EXOC7: variants seen among roughly 807,000 people sequenced by gnomAD.
EXOC7 encodes exocyst complex component 7.
In EXOC7, 51 loss-of-function variants were observed where a neutral mutation model predicts 87.6. The ratio of observed to expected loss-of-function variants is 0.58; its 90% CI spans 0.46 to 0.73. The LOEUF is 0.73. Ranked by LOEUF, EXOC7 falls within the 30% of genes least tolerant of loss-of-function variation. The pLI is 0.00. For synonymous variants in EXOC7, 327 were observed against 357.1 expected (o/e 0.92, Z 0.95); for missense variants, 744 against 888.4 (o/e 0.84, Z 2.07).
intron 7 of EXOC7, chr17:76,090,182 A>AAGAGAGAGAGTGG: frequency 1.1e-6 from 1 of 920,524 alleles, no homozygotes; most frequent in East Asian, 2.7e-5. Flanking sequence ...CTAGGCCCAA[A>AAGAGAGAGAGTGG]AGAGAGAGAG....
In EXOC7 at chr17:76,082,268, T is replaced by C; in HGVS notation, c.*1380A>G. The C allele has an allele frequency of 1.3e-6, 1 of 773,708 alleles. No individual in the cohort carries two copies. The highest frequency in any genetic ancestry group is 2.0e-6 in the Non-Finnish European group (1 of 497,576). 47.9% of individuals were successfully genotyped at this position (773,708 alleles called of 1,614,324 possible). ...GTCCCAGGTGACCTCAATCCCCTGATAACCCATGCCTTGCACAGCCTAAGA... is the reference window on the plus strand; with the variant it reads ...GTCCCAGGTGACCTCAATCCCCTGACAACCCATGCCTTGCACAGCCTAAGA... On this transcript the variant is annotated 3_prime_UTR_variant, in exon 19 of 19. Transcript: ENST00000589210.
In EXOC7 at chr17:76,082,728, C is replaced by T; in HGVS notation, c.*920G>A. ...GGCTGGGGGCGGGCCATGACAGGGCCTCTGGATTAAGCCACCCTGAGCTCT... is the reference window on the plus strand; with the variant it reads ...GGCTGGGGGCGGGCCATGACAGGGCTTCTGGATTAAGCCACCCTGAGCTCT... On this transcript the variant is annotated 3_prime_UTR_variant, in exon 19 of 19. Transcript: ENST00000589210. 1.4e-6 allele frequency: 2 copies of T among 1,446,828 alleles called. No homozygotes were observed. The highest frequency in any genetic ancestry group is 9.2e-7 in the Non-Finnish European group (1 of 1,088,464). The allele number at this position is 1,446,828 out of a possible 1,614,324, so 89.6% of individuals were successfully genotyped here.
intron 7 of EXOC7, chr17:76,089,533 T>C (rs1002144137): frequency 3.7e-5 from 22 of 601,622 alleles, no homozygotes; most frequent in Admixed American, 2.1e-4. Flanking sequence ...TTGTTCTGGC[T>C]TCATTCTCGG....
rs754051190 is a variant in EXOC7, at chr17:76,103,430, G to A, written c.61-4C>T. The A allele has an allele frequency of 1.9e-6, 3 of 1,598,978 alleles. No homozygotes were observed. In the South Asian group the frequency reaches 3.4e-5, roughly 18 times the overall value. On this transcript the variant is annotated splice_polypyrimidine_tract_variant and splice_region_variant and intron_variant, in intron 1 of 18. Transcript: ENST00000589210. ...TGAAGGACAGAGTCTCCTCCTCCTGGGGGCAGGCAAGGGGAGGACATCACC... is the reference window on the plus strand; with the variant it reads ...TGAAGGACAGAGTCTCCTCCTCCTGAGGGCAGGCAAGGGGAGGACATCACC...
intron 7 of EXOC7, chr17:76,090,228 G>C (rs2067412710): frequency 7.3e-7 from 1 of 1,362,236 alleles, no homozygotes; most frequent in Non-Finnish European, 1.0e-6. Context: ...CCCATCCTCA[G>C]AGCAGAGTGG....
intron 7 of EXOC7, 181 bp downstream of exon 7, chr17:76,090,962 C>A: frequency 1.5e-6 from 1 of 645,714 alleles, no homozygotes; most frequent in Non-Finnish European, 2.8e-6. Context: ...GAGGACCAGG[C>A]CGAGGGCTGC....
intron 2 of EXOC7, chr17:76,103,086 A>G: frequency 2.0e-6 from 1 of 494,280 alleles, no homozygotes; most frequent in South Asian, 2.1e-5. Context: ...AGACTCACTG[A>G]GTGTTTGCAG....
At chr17:76,084,484 G>A (rs762171942) in intron 16 of EXOC7, 33 bp downstream of exon 16, 41 of 1,609,920 alleles carry the variant, frequency 2.5e-5, no homozygotes, top group Middle Eastern at 3.3e-4. Context: ...CCGTCTGCCA[G>A]ACACCCCTTC....
rs1285337867 is a variant in EXOC7, at chr17:76,082,052, G to T, written c.*1596C>A. On this transcript the variant is annotated 3_prime_UTR_variant, in exon 19 of 19. Transcript: ENST00000589210. ...CCCAGGGCCTCATCCTGCTGAAGGTGGGCAGGGGCTGGGGGGTAAGGAATG... is the reference window on the plus strand; with the variant it reads ...CCCAGGGCCTCATCCTGCTGAAGGTTGGCAGGGGCTGGGGGGTAAGGAATG... 4.4e-6 allele frequency: 7 copies of T among 1,602,716 alleles called. No homozygotes were observed. The highest frequency in any genetic ancestry group is 2.7e-5 in the African/African-American group (2 of 74,452).
At chr17:76,085,442 A>C (rs750047488) in intron 14 of EXOC7, 33 bp from the exon 15 acceptor site, 4 of 1,581,450 alleles carry the variant, frequency 2.5e-6, no homozygotes, top group Non-Finnish European at 3.4e-6. Context: ...GGAGAGGAGG[A>C]CAGGATTGGC....
intron 5 of EXOC7, 93 bp downstream of exon 5, chr17:76,097,703 C>CAAAAAA (rs57781252): frequency 3.1e-5 from 10 of 318,298 alleles, no homozygotes; most frequent in African/African-American, 1.0e-4. Context: ...GACTCCATCT[C>CAAAAAA]AAAAAAAAAA....
At position 76,084,256 on chromosome 17, in the gene EXOC7, G is replaced by A. The variant is rs145062268; in HGVS notation, c.1810C>T (p.Arg604Cys). The change falls in exon 17 of 19, where the codon CGT (arginine) becomes TGT (cysteine). Residue 604 changes from arginine to cysteine, a missense_variant. This residue lies in a region of EXOC7 where 228 missense variants were observed against 298.6 expected (regional missense o/e 0.76). Transcript: ENST00000589210. Reference sequence around the variant, plus strand: ...AGAGGACCCCGACTCACCTTAAAACGCTCCTTGATAATCTGCCGCTCCTTG... The same window carrying A: ...AGAGGACCCCGACTCACCTTAAAACACTCCTTGATAATCTGCCGCTCCTTG... ...RDKERQIIKE[R>C]FKGFNDGLEE... The A allele has an allele frequency of 3.1e-6, 5 of 1,613,284 alleles. No individual in the cohort carries two copies. Among genetic ancestry groups the A allele is most frequent in the Non-Finnish European group, 4.2e-6 (5 of 1,179,894 alleles).
At position 76,091,045 on chromosome 17, in the gene EXOC7, G is replaced by C. The variant is rs2067454619; in HGVS notation, c.901+98C>G. 18 of 1,058,714 alleles carry C rather than the reference G, an allele frequency of 1.7e-5. No individual in the cohort carries two copies. In the South Asian group the frequency reaches 2.4e-4, roughly 14 times the overall value. The allele number at this position is 1,058,714 out of a possible 1,614,324, so 65.6% of individuals were successfully genotyped here. A position where few individuals can be genotyped will look rare whatever the true frequency, so the allele number is the denominator to read the frequency against. ...CCGTTCCCACCCTGCTCCCCTCAGG[G>C]TTTCTCCCGAGGCCCTCCTGGGGGA... is the stretch of plus-strand genomic sequence containing the variant. On this transcript the variant is annotated intron_variant, in intron 7 of 18. Transcript: ENST00000589210.
At chr17:76,083,885 G>T in intron 18 of EXOC7, 121 bp downstream of exon 18, 1 of 1,487,414 alleles carries the variant, frequency 6.7e-7, no homozygotes. Context: ...CCAAAGCCCA[G>T]GTCGCTGGAT....
intron 3 of EXOC7, 86 bp from the exon 4 acceptor site, chr17:76,101,462 T>C: frequency 6.5e-7 from 1 of 1,538,904 alleles, no homozygotes; most frequent in Non-Finnish European, 8.8e-7. Flanking sequence ...AGAAAATTAA[T>C]ACAGGGGACT....
At chr17:76,098,361 C>G (rs2067883780) in intron 4 of EXOC7, among the ~76,000 whole-genome samples, 2 of 151,564 alleles carry the variant, frequency 1.3e-5, no homozygotes, top group Admixed American at 1.3e-4. Flanking sequence ...GTCTTGATCT[C>G]CTGACCTCAG....
At chr17:76,103,465 A>C in intron 1 of EXOC7, 39 bp from the exon 2 acceptor site, 1 of 1,566,180 alleles carries the variant, frequency 6.4e-7, no homozygotes, top group Non-Finnish European at 8.7e-7. Flanking sequence ...CAGAAACCAG[A>C]AGCTAAAGGA....
chr17:76,081,652 T>C lies in EXOC7; in HGVS notation c.*1996A>G, dbSNP rs759515590. The stretch of plus-strand genomic sequence containing the variant: ...GGGGGTTGCTGCCCCTCCGGGCCAT[T>C]GAGCGCATAGGCTACAAGGTGACAT... On this transcript the variant is annotated 3_prime_UTR_variant, in exon 19 of 19. Coordinates refer to ENST00000589210, the MANE Select transcript of EXOC7 (RefSeq NM_001013839.4). 2.3e-5 allele frequency: 37 copies of C among 1,614,012 alleles called. No individual in the cohort carries two copies. In the Admixed American group the frequency reaches 2.8e-4, roughly 12 times the overall value.
At position 76,088,565 on chromosome 17, in the gene EXOC7, GA is replaced by G; in HGVS notation, c.1201-4del. ...TTCTTTGTGCTGGCAGCCGTGCCCT[GA>G]GGAAGCACAGGGGAGCCCCCAGCTC... On this transcript the variant is annotated splice_polypyrimidine_tract_variant and splice_region_variant and intron_variant, in intron 9 of 18. Coordinates refer to ENST00000589210, the MANE Select transcript of EXOC7 (RefSeq NM_001013839.4). 1 of 1,612,846 alleles carries G rather than the reference GA, an allele frequency of 6.2e-7. No individual in the cohort carries two copies. The highest frequency in any genetic ancestry group is 8.5e-7 in the Non-Finnish European group (1 of 1,179,512).
Sources: allele counts gnomAD v4.1 joint callset (sites outside exome capture counted in the v4.1 genomes callset), GRCh38; gene constraint gnomAD v4.1.1; regional missense constraint gnomAD v4.1.1; transcripts MANE v1.5; gene names NCBI Gene and HGNC (gene_info 2026-07-23, HGNC 2026-07-21).